Variants in TCERG1L observed in about 807,000 individuals in gnomAD.
TCERG1L encodes transcription elongation regulator 1 like, also known as transcription elongation regulator 1-like protein.
A neutral mutation model predicts 56.3 loss-of-function variants in TCERG1L; 37 were observed. The observed-to-expected ratio is 0.66, with a 90% CI of 0.51 to 0.87. The LOEUF is 0.87. Ranked by LOEUF, TCERG1L falls within the 40% of genes least tolerant of loss-of-function variation. The pLI is 0.00. For synonymous variants in TCERG1L, 324 were observed against 326.3 expected, an observed-to-expected ratio of 0.99 and a Z score of 0.08; for missense variants, 799 against 774.2, an observed-to-expected ratio of 1.03 and a Z score of -0.38.
In TCERG1L at chr10:131,280,729, C is replaced by T. The variant is rs146260919; in HGVS notation, c.671-20285G>A. Among the ~76,000 whole-genome samples, 7 of 151,870 alleles carry T rather than the reference C, an allele frequency of 4.6e-5. No individual in the cohort carries two copies. In the East Asian group the frequency reaches 1.4e-3, roughly 30 times the overall value. On this transcript the variant is annotated intron_variant, in intron 3 of 11. Coordinates refer to ENST00000368642, the MANE Select transcript of TCERG1L (RefSeq NM_174937.4). ...TGCACACACACACACACACAGACAC[C>T]TGTTCTCTGTGGTTGTGCTTCCTGC...
Position 131,260,423 on chromosome 10 carries a change from T to C in TCERG1L, c.692A>G (p.Lys231Arg). Residue 231 changes from lysine to arginine, a missense_variant, in exon 4 of 12, where the codon AAG becomes AGG. Physicochemically the swap from Lys to Arg is conservative, Grantham distance 26. Coordinates refer to ENST00000368642, the MANE Select transcript of TCERG1L (RefSeq NM_174937.4). The surrounding 1 kb of genome is among the most constrained non-coding windows in gnomAD (Gnocchi z 5.8). ...PIPGGCHNSL[K>R]VTSSPAIAIA... ...GGCAATGGCGGGGCTGCTGGTCACC[T>C]TAAGGCTGTTATGGCAGCCACCTGC... 2 of 1,437,394 alleles carry C rather than the reference T, an allele frequency of 1.4e-6. No individual in the cohort carries two copies. The highest frequency in any genetic ancestry group is 1.9e-4 in the Middle Eastern group (1 of 5,340). The allele number at this position is 1,437,394 out of a possible 1,614,324, so 89.0% of individuals were successfully genotyped here. A position where few individuals can be genotyped will look rare whatever the true frequency, so the allele number is the denominator to read the frequency against.
At chr10:131,161,189 G>C (rs1259288161) in intron 6 of TCERG1L, 1 of 152,162 alleles carries the variant, frequency 6.6e-6, no homozygotes, top group African/African-American at 2.4e-5. Context: ...CTCACATTTG[G>C]ATGTGTTTAG....
chr10:131,225,248 G>A (rs1845779112), intron 4 of TCERG1L, among the ~76,000 whole-genome samples: 1 of 152,184 alleles, frequency 6.6e-6, no homozygotes, highest in Admixed American at 6.5e-5. Context: ...TCTAGGATGG[G>A]CCCTACAAAC....
At position 131,292,629 on chromosome 10, in the gene TCERG1L, T is replaced by G. The variant is rs1589775187; in HGVS notation, c.670+15582A>C. Among the ~76,000 whole-genome samples the G allele has an allele frequency of 2.0e-5, 3 of 152,164 alleles. No individual in the cohort carries two copies. In the South Asian group the frequency reaches 6.2e-4, roughly 31 times the overall value. On this transcript the variant is annotated intron_variant, in intron 3 of 11. Coordinates refer to ENST00000368642, the MANE Select transcript of TCERG1L (RefSeq NM_174937.4). ...AATGTTCTCCTCGGAGTCTGGGAGA[T>G]TTTACCACTGAAACCTGTGGCGTCT...
At chr10:131,238,403 C>T (rs1403654895) in intron 4 of TCERG1L, among the ~76,000 whole-genome samples, 1 of 152,178 alleles carries the variant, frequency 6.6e-6, no homozygotes, top group Admixed American at 6.5e-5. Flanking sequence ...CGGGGGTCTC[C>T]CCACGGTGCT....
intron 3 of TCERG1L, among the ~76,000 whole-genome samples, chr10:131,273,273 C>G (rs1846357511): frequency 6.6e-6 from 1 of 152,204 alleles, no homozygotes; most frequent in Non-Finnish European, 1.5e-5. Context: ...GAGGCCCCAG[C>G]AGTGACCACA....
chr10:131,104,931 C>T (rs1485415913), intron 9 of TCERG1L, among the ~76,000 whole-genome samples: 1 of 152,256 alleles, frequency 6.6e-6, no homozygotes, highest in Non-Finnish European at 1.5e-5. Flanking sequence ...CACCACTAAC[C>T]ATGACGCATT....
At chr10:131,144,064 G>A (rs1289607084) in intron 7 of TCERG1L, among the ~76,000 whole-genome samples, 2 of 150,802 alleles carry the variant, frequency 1.3e-5, no homozygotes, top group Non-Finnish European at 2.9e-5. Flanking sequence ...GAAGACACAC[G>A]CACACGCAGG....
intron 3 of TCERG1L, among the ~76,000 whole-genome samples, chr10:131,298,014 T>C (rs922572443): frequency 3.3e-5 from 5 of 152,110 alleles, no homozygotes; most frequent in African/African-American, 7.2e-5. Context: ...TTTGTTTTCA[T>C]TGATTTTCCT....
chr10:131,157,738 C>T (rs1845939012), intron 6 of TCERG1L, among the ~76,000 whole-genome samples: 2 of 152,238 alleles, frequency 1.3e-5, no homozygotes, highest in South Asian at 2.1e-4. Context: ...CAAGCTCTGT[C>T]TTCTCTAGAG....
At chr10:131,214,204 C>A (rs1230186386) in intron 4 of TCERG1L, among the ~76,000 whole-genome samples, 1 of 152,100 alleles carries the variant, frequency 6.6e-6, no homozygotes, top group Non-Finnish European at 1.5e-5. Context: ...TGGGGTGAGG[C>A]TCCCTGGGAA....
At chr10:131,285,503 A>C (rs1160574112) in intron 3 of TCERG1L, among the ~76,000 whole-genome samples, 1 of 24,854 alleles carries the variant, frequency 4.0e-5, no homozygotes, top group African/African-American at 7.5e-5. Flanking sequence ...AAAGAAAGAA[A>C]GAAAGAAAGA....
intron 11 of TCERG1L, among the ~76,000 whole-genome samples, chr10:131,097,583 G>A (rs1385208691): frequency 3.9e-5 from 6 of 152,128 alleles, no homozygotes; most frequent in East Asian, 1.9e-4. Context: ...TCCTGACCTC[G>A]TGATCCACCT....
At chr10:131,185,207 T>C (rs1845222557) in intron 4 of TCERG1L, among the ~76,000 whole-genome samples, 1 of 152,140 alleles carries the variant, frequency 6.6e-6, no homozygotes, top group Non-Finnish European at 1.5e-5. Context: ...TAAATGCATA[T>C]GGATATATTT....
At chr10:131,197,676 G>A (rs1845381556) in intron 4 of TCERG1L, among the ~76,000 whole-genome samples, 1 of 152,184 alleles carries the variant, frequency 6.6e-6, no homozygotes, top group African/African-American at 2.4e-5. Flanking sequence ...TTGAACACGT[G>A]CATGCAGATA....
At chr10:131,227,907 T>A (rs550606412) in intron 4 of TCERG1L, among the ~76,000 whole-genome samples, 1 of 152,272 alleles carries the variant, frequency 6.6e-6, no homozygotes, top group South Asian at 2.1e-4. Context: ...TCAGGAGCTG[T>A]CGGGCTGTGC....
chr10:131,122,801 C>A (rs1039783006), intron 8 of TCERG1L, among the ~76,000 whole-genome samples: 1 of 152,152 alleles, frequency 6.6e-6, no homozygotes, highest in East Asian at 1.9e-4. Flanking sequence ...CAGCTGGTGT[C>A]TGAGGTAGGG....
At chr10:131,220,733 TC>T (rs1350565271) in intron 4 of TCERG1L, among the ~76,000 whole-genome samples, 1 of 151,672 alleles carries the variant, frequency 6.6e-6, no homozygotes, top group Non-Finnish European at 1.5e-5. Flanking sequence ...GATCACTGAA[TC>T]CCCCCAGCTC....
intron 4 of TCERG1L, among the ~76,000 whole-genome samples, chr10:131,248,277 C>T (rs1846063429): frequency 4.9e-5 from 1 of 20,408 alleles, no homozygotes; most frequent in African/African-American, 1.2e-4. Flanking sequence ...CACACACCCA[C>T]AGGACACACA....
Sources: allele counts gnomAD v4.1 joint callset (sites outside exome capture counted in the v4.1 genomes callset), GRCh38; gene constraint gnomAD v4.1.1; non-coding constraint Gnocchi (gnomAD v3.1); transcripts MANE v1.5; gene names NCBI Gene and HGNC (gene_info 2026-07-23, HGNC 2026-07-21).